The following DOCK2 variants were observed in gnomAD, a reference collection of about 807,000 sequenced individuals.
The protein encoded by DOCK2 is dedicator of cytokinesis protein 2.
In DOCK2, 87 loss-of-function variants were observed where a neutral mutation model predicts 248.9. The ratio of observed to expected loss-of-function variants is 0.35; its 90% CI spans 0.29 to 0.42. The LOEUF (loss-of-function observed/expected upper bound fraction) is 0.42. DOCK2 is among the 10% of genes least tolerant of loss of function. The probability of loss-of-function intolerance (pLI) is 1.00; values close to 1 mark genes in which losing one functional copy is unlikely to be tolerated. For synonymous variants in DOCK2, 805 were observed against 821.6 expected (o/e 0.98, Z 0.35); for missense variants, 1,747 against 2,300.2 (o/e 0.76, Z 4.92).
chr5:169,692,010 C>T (rs1760332538), intron 9 of DOCK2, among the ~76,000 whole-genome samples: 1 of 151,910 alleles, frequency 6.6e-6, no homozygotes, highest in African/African-American at 2.4e-5. Flanking sequence ...TACATGCTAC[C>T]ACGCCCCACT....
At chr5:169,666,879 G>A (rs1758764950) in intron 2 of DOCK2, among the ~76,000 whole-genome samples, 1 of 152,224 alleles carries the variant, frequency 6.6e-6, no homozygotes, top group Non-Finnish European at 1.5e-5. Flanking sequence ...GTAGCCCAGT[G>A]CAATATACAT....
intron 8 of DOCK2, among the ~76,000 whole-genome samples, chr5:169,687,891 T>A (rs1432924254): frequency 1.3e-5 from 2 of 152,104 alleles, no homozygotes; most frequent in African/African-American, 4.8e-5. Context: ...TCCCTCTAAT[T>A]TTTCTCTTGT....
intron 26 of DOCK2, among the ~76,000 whole-genome samples, chr5:169,811,544 G>C (rs185643707): frequency 2.6e-5 from 4 of 152,166 alleles, no homozygotes; most frequent in Non-Finnish European, 5.9e-5. Flanking sequence ...TGTGACCAAG[G>C]CTGCTTTGTT....
chr5:169,998,200 C>T (rs190220132), intron 30 of DOCK2, among the ~76,000 whole-genome samples: 10 of 152,292 alleles, frequency 6.6e-5, no homozygotes, highest in East Asian at 3.9e-4. Flanking sequence ...TGTCTACCTG[C>T]GTATTTTCTC....
Position 170,005,366 on chromosome 5 carries a change from AGCATG to A in DOCK2, c.3073-3126_3073-3122del, listed in dbSNP as rs371601653. Among the ~76,000 whole-genome samples, 520 of 152,348 alleles carry A rather than the reference AGCATG, an allele frequency of 3.4e-3. 3 individuals carry two copies. The Middle Eastern group carries it at 0.041, about 12-fold the overall frequency. ...CAGCTGTATTCAAGTCATTGTGCTG[AGCATG>A]GCATTAGGGATACAATGAAATGCAA... On this transcript the variant is annotated intron_variant, in intron 30 of 51. Coordinates refer to ENST00000520908, the MANE Select transcript of DOCK2 (RefSeq NM_004946.3).
At chr5:170,061,278 C>T (rs1029656094) in intron 44 of DOCK2, among the ~76,000 whole-genome samples, 3 of 152,220 alleles carry the variant, frequency 2.0e-5, no homozygotes, top group Non-Finnish European at 2.9e-5. Flanking sequence ...GTCCCAACAG[C>T]CCGTTGATAG....
At chr5:169,698,101 C>G (rs772799043) in intron 10 of DOCK2, among the ~76,000 whole-genome samples, 5 of 152,216 alleles carry the variant, frequency 3.3e-5, no homozygotes, top group Non-Finnish European at 5.9e-5. Flanking sequence ...TGACCCTTTC[C>G]TTTTGGCCTC....
intron 6 of DOCK2, among the ~76,000 whole-genome samples, chr5:169,679,715 G>T (rs1759547484): frequency 6.6e-6 from 1 of 152,202 alleles, no homozygotes; most frequent in Non-Finnish European, 1.5e-5. Context: ...CCGTTGGGCA[G>T]CATGGCCGTG....
In DOCK2 at chr5:169,641,981, G is replaced by T. The variant is rs912254843; in HGVS notation, c.43+4612G>T. ...TGGGCCTCACTCTGGTGAGGGTGCT[G>T]CCCCTGGCAGGTCTAATTCTCTGTG... On this transcript the variant is annotated intron_variant, in intron 1 of 51. Coordinates refer to ENST00000520908, the MANE Select transcript of DOCK2 (RefSeq NM_004946.3). Among the ~76,000 whole-genome samples the T allele has an allele frequency of 1.3e-5, 2 of 152,212 alleles. 1 individual carries two copies. The highest frequency in any genetic ancestry group is 4.1e-4 in the South Asian group (2 of 4,830).
chr5:169,989,634 G>A (rs1778158284), intron 29 of DOCK2, among the ~76,000 whole-genome samples: 2 of 152,196 alleles, frequency 1.3e-5, no homozygotes, highest in Admixed American at 1.3e-4. Flanking sequence ...ACAGAGACCA[G>A]AGGCAGAACA....
chr5:169,648,293 T>G (rs1420634884), intron 1 of DOCK2, among the ~76,000 whole-genome samples: 1 of 151,918 alleles, frequency 6.6e-6, no homozygotes, highest in Non-Finnish European at 1.5e-5. Context: ...CCGACTCCCC[T>G]CCCCCAGGTT....
At position 169,983,191 on chromosome 5, in the gene DOCK2, G is replaced by A. The variant is rs771588881; in HGVS notation, c.2898+25G>A. The A allele has an allele frequency of 3.1e-6, 5 of 1,610,700 alleles. No individual in the cohort carries two copies. The African/African-American group carries it at 5.3e-5, about 17-fold the overall frequency. On this transcript the variant is annotated intron_variant, in intron 28 of 51. Coordinates refer to ENST00000520908, the MANE Select transcript of DOCK2 (RefSeq NM_004946.3). ...GGTGAGTCTGCAGGATGCTGGGGGT[G>A]AGGAAGAACTCTTCCATCTCTGGAA...
intron 25 of DOCK2, among the ~76,000 whole-genome samples, chr5:169,777,158 C>A (rs945427424): frequency 2.0e-4 from 30 of 152,204 alleles, no homozygotes; most frequent in African/African-American, 6.5e-4. Flanking sequence ...ACTTTTCAAA[C>A]ACAAAGGTGC....
In DOCK2 at chr5:169,934,682, G is replaced by T. The variant is rs1356052104; in HGVS notation, c.2800-48386G>T. 13 of 456,210 alleles carry T rather than the reference G, an allele frequency of 2.8e-5. 1 individual carries two copies. The highest frequency in any genetic ancestry group is 3.3e-4 in the Middle Eastern group (1 of 3,076). 28.3% of individuals were successfully genotyped at this position (456,210 alleles called of 1,614,324 possible). On this transcript the variant is annotated intron_variant, in intron 27 of 51. Transcript: ENST00000520908. Reference sequence around the variant, plus strand: ...AGCTGATGATAGGACTGAACCGATTGGGTGCTACGGAGTATTAAATGTGAT... The same window carrying T: ...AGCTGATGATAGGACTGAACCGATTTGGTGCTACGGAGTATTAAATGTGAT...
intron 44 of DOCK2, among the ~76,000 whole-genome samples, chr5:170,062,958 C>G (rs1273282258): frequency 6.6e-6 from 1 of 152,176 alleles, no homozygotes; most frequent in Non-Finnish European, 1.5e-5. Context: ...CTTCTCAAAC[C>G]TTGCCTCCTG....
intron 32 of DOCK2, among the ~76,000 whole-genome samples, chr5:170,017,701 C>T (rs1022495976): frequency 9.2e-5 from 14 of 152,038 alleles, no homozygotes; most frequent in Admixed American, 7.2e-4. Context: ...ATGAGGACAC[C>T]GAGGCCCCGA....
chr5:169,740,994 C>G (rs1294564813), intron 22 of DOCK2, among the ~76,000 whole-genome samples: 1 of 152,122 alleles, frequency 6.6e-6, no homozygotes, highest in Non-Finnish European at 1.5e-5. Flanking sequence ...CACCACCACA[C>G]CTAGCTAATT....
chr5:170,049,945 G>A (rs912554899), intron 40 of DOCK2, among the ~76,000 whole-genome samples: 3 of 152,202 alleles, frequency 2.0e-5, no homozygotes, highest in African/African-American at 7.2e-5. Flanking sequence ...CATGTATATA[G>A]GAGAGTGGGT....
intron 27 of DOCK2, among the ~76,000 whole-genome samples, chr5:169,906,208 G>A (rs73800232): frequency 0.032 from 4,914 of 152,224 alleles, 203 homozygotes; most frequent in African/African-American, 0.097. Context: ...TAGTCAGAAA[G>A]TTCTTTCTGA....
Sources: gnomAD v4.1 joint callset for allele counts (sites outside exome capture counted in the v4.1 genomes callset) on GRCh38, gnomAD v4.1.1 for gene constraint, MANE v1.5 for transcripts, NCBI Gene and HGNC (gene_info 2026-07-23, HGNC 2026-07-21) for gene names.